The following SYTL5 variants were observed in gnomAD, a reference collection of about 807,000 sequenced individuals.
SYTL5 encodes the protein synaptotagmin-like protein 5.
SYTL5 carries 34 observed loss-of-function variants against 55.9 expected under a neutral mutation model. The observed-to-expected ratio is 0.61, with a 90% CI of 0.46 to 0.81. SYTL5 has a LOEUF of 0.81. Ranked by LOEUF, SYTL5 falls within the 30% of genes least tolerant of loss-of-function variation. SYTL5 has a pLI of 0.00. For synonymous variants in SYTL5, 221 were observed against 188.7 expected, an observed-to-expected ratio of 1.17 and a Z score of -1.40; for missense variants, 637 against 546.7, an observed-to-expected ratio of 1.17 and a Z score of -1.65.
upstream of SYTL5, among the ~76,000 whole-genome samples, chrX:38,002,145 T>C (rs1933874375): frequency 9.0e-6 from 1 of 111,063 alleles, no homozygotes; most frequent in Non-Finnish European, 1.9e-5. Flanking sequence ...AATAGTTTGC[T>C]GAGAATGATG....
chrX:38,086,541 G>T (rs1029099785), intron 6 of SYTL5, among the ~76,000 whole-genome samples: 1 of 111,603 alleles, frequency 9.0e-6, no homozygotes, highest in Admixed American at 9.5e-5. Context: ...CTTTCTTGCC[G>T]GTTTTTACTT....
chrX:38,036,963 C>T (rs996889294), intron 2 of SYTL5, among the ~76,000 whole-genome samples: 2 of 111,658 alleles, frequency 1.8e-5, no homozygotes, highest in African/African-American at 6.5e-5. Context: ...GTTTGTGGTG[C>T]CCTTGATTTG....
At chrX:38,037,822 ATAGATAG>A (rs1935154798) in intron 2 of SYTL5, among the ~76,000 whole-genome samples, 1 of 110,545 alleles carries the variant, frequency 9.0e-6, no homozygotes, top group Non-Finnish European at 1.9e-5. Flanking sequence ...AGATAGATAG[ATAGATAG>A]ATAGATAAAA....
chrX:38,117,736 CT>C (rs1289751988), intron 13 of SYTL5, among the ~76,000 whole-genome samples: 2 of 111,836 alleles, frequency 1.8e-5, no homozygotes, highest in East Asian at 5.6e-4. Flanking sequence ...ATGTTGACTG[CT>C]GGCTAGAAAC....
At chrX:38,117,104 G>A (rs999851431) in intron 13 of SYTL5, among the ~76,000 whole-genome samples, 1 of 112,001 alleles carries the variant, frequency 8.9e-6, no homozygotes, top group African/African-American at 3.2e-5. Flanking sequence ...CTTTTTCTGA[G>A]TAATAGTGGG....
At chrX:37,941,875 G>A in the SYTL5 span, among the ~76,000 whole-genome samples, 16 of 98,718 alleles carry the variant, frequency 1.6e-4, no homozygotes, top group African/African-American at 5.3e-4. Context: ...TCCTACCCAC[G>A]GAAGTCAATT....
At chrX:37,915,016 C>T in the SYTL5 span, among the ~76,000 whole-genome samples, 2 of 111,795 alleles carry the variant, frequency 1.8e-5, no homozygotes, top group Non-Finnish European at 3.8e-5. Flanking sequence ...CCTCTCTGCG[C>T]CTGTGTCCAT....
chrX:37,895,454 T>TTCTTTCCTTCCTTCCTTCCTTCCTTCCC, the SYTL5 span, among the ~76,000 whole-genome samples: 124 of 82,828 alleles, frequency 1.5e-3, 1 homozygote, highest in African/African-American at 5.0e-3. Flanking sequence ...CCTTCCTTCC[T>TTCTTTCCTTCCTTCCTTCCTTCCTTCCC]TCCCTCCCTC....
chrX:37,920,736 G>A, the SYTL5 span, among the ~76,000 whole-genome samples: 1 of 111,013 alleles, frequency 9.0e-6, no homozygotes, highest in African/African-American at 3.3e-5. Context: ...GTTAGTTTCT[G>A]GAGGATAGAC....
chrX:37,940,604 GTATA>G, the SYTL5 span, among the ~76,000 whole-genome samples: 3 of 94,870 alleles, frequency 3.2e-5, no homozygotes, highest in African/African-American at 1.1e-4. Context: ...AGGTGTGTAT[GTATA>G]TATATATATA....
At chrX:38,126,544 G>A (rs758929355) in intron 16 of SYTL5, 44 bp from the exon 17 acceptor site, 2 of 1,199,087 alleles carry the variant, frequency 1.7e-6, no homozygotes, top group Admixed American at 2.2e-5. Flanking sequence ...GGAGAGCAAA[G>A]CATTTCATGT....
chrX:38,040,088 C>T (rs1350340084), intron 2 of SYTL5, among the ~76,000 whole-genome samples: 1 of 109,926 alleles, frequency 9.1e-6, no homozygotes. Context: ...GCAGGAGAAT[C>T]GCTTGAACCT....
At chrX:38,115,066 C>T (rs1937449072) in intron 13 of SYTL5, among the ~76,000 whole-genome samples, 1 of 111,940 alleles carries the variant, frequency 8.9e-6, no homozygotes, top group Non-Finnish European at 1.9e-5. Flanking sequence ...AATAGTATTC[C>T]ATTGTGTATA....
chrX:38,082,981 A>C (rs1936571543), intron 6 of SYTL5, among the ~76,000 whole-genome samples: 2 of 112,121 alleles, frequency 1.8e-5, no homozygotes, highest in Non-Finnish European at 3.8e-5. Context: ...ATAACATCCT[A>C]CTCAGAACAA....
chrX:38,098,588 G>T, intron 9 of SYTL5, among the ~76,000 whole-genome samples: 1 of 110,487 alleles, frequency 9.1e-6, no homozygotes, highest in African/African-American at 3.3e-5. Flanking sequence ...CCCCTACATT[G>T]CTAGTGGTAA....
intron 3 of SYTL5, among the ~76,000 whole-genome samples, chrX:38,066,501 T>C (rs1936104703): frequency 9.0e-6 from 1 of 111,717 alleles, no homozygotes; most frequent in Non-Finnish European, 1.9e-5. Flanking sequence ...TGACTTACAG[T>C]GCATAAAGTC....
At chrX:38,065,343 G>GTA (rs1262913677) in intron 3 of SYTL5, among the ~76,000 whole-genome samples, 1 of 111,437 alleles carries the variant, frequency 9.0e-6, no homozygotes, top group African/African-American at 3.3e-5. Flanking sequence ...CTCTCCTGAA[G>GTA]TATAGTCTTT....
intron 1 of SYTL5, among the ~76,000 whole-genome samples, chrX:38,032,377 G>A (rs1463368364): frequency 1.8e-5 from 2 of 111,785 alleles, no homozygotes; most frequent in East Asian, 2.8e-4. Flanking sequence ...GTTAGGATGA[G>A]AGTCAGGGCC....
chrX:37,926,399 C>A, the SYTL5 span, among the ~76,000 whole-genome samples: 7 of 110,163 alleles, frequency 6.4e-5, no homozygotes, highest in East Asian at 2.0e-3. Context: ...TGGCTGACCC[C>A]CCTCCCCAAT....
Sources: gnomAD v4.1 joint callset for allele counts (sites outside exome capture counted in the v4.1 genomes callset) on GRCh38, gnomAD v4.1.1 for gene constraint, MANE v1.5 for transcripts, NCBI Gene and HGNC (gene_info 2026-07-23, HGNC 2026-07-21) for gene names.